TUBB6: variants seen among roughly 807,000 people sequenced by gnomAD.
TUBB6 encodes the protein tubulin beta 6 class V.
TUBB6 carries 18 observed loss-of-function variants against 32.3 expected under a neutral mutation model. The ratio of observed to expected loss-of-function variants is 0.56; its 90% confidence interval spans 0.39 to 0.83. The LOEUF is 0.83. Among genes scored for constraint, TUBB6 ranks in the 40% least tolerant of loss-of-function variants. The probability of loss-of-function intolerance (pLI) is 0.00; values close to 1 mark genes in which losing one functional copy is unlikely to be tolerated. For synonymous variants in TUBB6, 280 were observed against 265.8 expected (o/e 1.05, Z -0.52); for missense variants, 480 against 632.0 (o/e 0.76, Z 2.58).
chr18:12,313,660 C>T (rs1028121964), intron 3 of TUBB6, among the ~76,000 whole-genome samples: 1 of 152,230 alleles, frequency 6.6e-6, no homozygotes, highest in Non-Finnish European at 1.5e-5. Context: ...TATTCTCCCA[C>T]CAGATTGGCC....
At position 12,325,650 on chromosome 18, in the gene TUBB6, C is replaced by T. The variant is rs1339634436; in HGVS notation, c.861C>T (p.Pro287=). ...AGCAGTACCGGGCCCTGACCGTGCCCGAGCTCACCCAGCAGATGTTCGACG... is the reference window on the plus strand; with the variant it reads ...AGCAGTACCGGGCCCTGACCGTGCCTGAGCTCACCCAGCAGATGTTCGACG... The part of the protein sequence containing the change: ...GSQQYRALTV[P]ELTQQMFDAR... The change falls in exon 4 of 4, where the codon CCC becomes CCT. Residue 287 remains proline (P), a synonymous_variant. Coordinates refer to ENST00000317702, the MANE Select transcript of TUBB6 (RefSeq NM_032525.3). The T allele has an allele frequency of 1.1e-5, 17 of 1,613,982 alleles. No individual in the cohort carries two copies. The highest frequency in any genetic ancestry group is 8.9e-5 in the East Asian group (4 of 44,876).
At chr18:12,329,762 T>C, downstream of TUBB6, 1 of 1,614,194 alleles carries the variant, frequency 6.2e-7, no homozygotes, top group Non-Finnish European at 8.5e-7. Context: ...AATACTTCTT[T>C]TTCTAACAAC....
chr18:12,325,022 G>A (rs62095700), intron 3 of TUBB6, 45 bp from the exon 4 acceptor site: 8 of 1,530,222 alleles, frequency 5.2e-6, no homozygotes, highest in Non-Finnish European at 7.0e-6. Context: ...TGGTGATGGC[G>A]CAGCCCTTTC....
At chr18:12,321,017 T>C (rs1598808255) in intron 3 of TUBB6, among the ~76,000 whole-genome samples, 1 of 152,090 alleles carries the variant, frequency 6.6e-6, no homozygotes. Context: ...AGCAGAAAAA[T>C]AGAATCTCCT....
At chr18:12,308,656 G>C in intron 1 of TUBB6, 31 bp from the exon 2 acceptor site, 1 of 1,470,078 alleles carries the variant, frequency 6.8e-7, no homozygotes, top group South Asian at 1.1e-5. Flanking sequence ...TGGGTTCTGA[G>C]CGTCTGTCCC....
At chr18:12,311,276 A>C (rs1001821231) in intron 3 of TUBB6, 2 of 403,332 alleles carry the variant, frequency 5.0e-6, no homozygotes, top group Non-Finnish European at 4.5e-6. Flanking sequence ...TCTAAATGAA[A>C]TTCTTCTACT....
Position 12,308,720 on chromosome 18 carries a change from G to C in TUBB6, c.91G>C (p.Asp31His). The part of the protein sequence containing the change: ...WEVISDEHGI[D>H]PAGGYVGDSA... The stretch of plus-strand genomic sequence containing the variant: ...AGTGATCAGCGATGAGCACGGCATC[G>C]ACCCGGCCGGAGGCTACGTGGGAGA... The change falls in exon 2 of 4, where the codon GAC (aspartate) becomes CAC (histidine). Residue 31 changes from aspartate to histidine, a missense_variant. By Grantham distance (81) the Asp-to-His change is moderately conservative (BLOSUM62 -1). Transcript: ENST00000317702. The C allele has an allele frequency of 1.2e-6, 2 of 1,613,208 alleles. No individual in the cohort carries two copies. Among genetic ancestry groups the C allele is most frequent in the Non-Finnish European group, 1.7e-6 (2 of 1,179,388 alleles).
At chr18:12,328,699 C>T (rs978903771), downstream of TUBB6, among the ~76,000 whole-genome samples, 2 of 152,206 alleles carry the variant, frequency 1.3e-5, no homozygotes, top group African/African-American at 4.8e-5. Flanking sequence ...TCTTGAGGAC[C>T]TGCACTGGGG....
intron 3 of TUBB6, among the ~76,000 whole-genome samples, chr18:12,320,946 A>G (rs1484425565): frequency 6.6e-6 from 1 of 152,220 alleles, no homozygotes; most frequent in African/African-American, 2.4e-5. Context: ...TCCCGTGGGA[A>G]GTGGCCTTCC....
intron 3 of TUBB6, among the ~76,000 whole-genome samples, chr18:12,313,529 G>T (rs1436770155): frequency 6.6e-6 from 1 of 152,212 alleles, no homozygotes; most frequent in Non-Finnish European, 1.5e-5. Flanking sequence ...TGGAACAGAT[G>T]AATCACATTA....
chr18:12,314,544 A>G (rs1247117913), intron 3 of TUBB6, among the ~76,000 whole-genome samples: 2 of 152,118 alleles, frequency 1.3e-5, no homozygotes, highest in East Asian at 1.9e-4. Flanking sequence ...GAAAGGCCAT[A>G]CAGTGAAAAC....
At chr18:12,308,618 TG>T in intron 1 of TUBB6, 68 bp from the exon 2 acceptor site, 1 of 1,189,952 alleles carries the variant, frequency 8.4e-7, no homozygotes, top group Non-Finnish European at 1.2e-6. Flanking sequence ...GCGCCTGGGG[TG>T]GGCGCGGGTG....
At chr18:12,321,992 T>G (rs1907013981) in intron 3 of TUBB6, among the ~76,000 whole-genome samples, 1 of 152,288 alleles carries the variant, frequency 6.6e-6, no homozygotes, top group South Asian at 2.1e-4. Flanking sequence ...TCGTTTCCAA[T>G]TCTGCTTTCT....
chr18:12,325,294 G>T lies in TUBB6; in HGVS notation c.505G>T (p.Val169Phe). The T allele has an allele frequency of 6.2e-7, 1 of 1,614,236 alleles. No individual in the cohort carries two copies. The highest frequency in any genetic ancestry group is 1.1e-5 in the South Asian group (1 of 91,090). Residue 169 changes from valine (V) to phenylalanine (F), a missense_variant, in exon 4 of 4, where the codon GTC becomes TTC. Transcript: ENST00000317702. ...FPDRIMNTFS[V>F]MPSPKVSDTV... is the part of the protein sequence containing the mutation. ...GGACCGCATCATGAACACCTTCAGC[G>T]TCATGCCCTCGCCCAAGGTGTCGGA...
chr18:12,308,632 G>GGCGTCCCGGGCTCTGGGTTCTGA, intron 1 of TUBB6, 55 bp from the exon 2 acceptor site: 1 of 1,304,726 alleles, frequency 7.7e-7, no homozygotes, highest in South Asian at 1.2e-5. Flanking sequence ...CGCGGGTGGC[G>GGCGTCCCGGGCTCTGGGTTCTGA]GCGTCCCGGG....
downstream of TUBB6, among the ~76,000 whole-genome samples, chr18:12,328,672 T>A (rs557979224): frequency 2.0e-5 from 3 of 152,340 alleles, no homozygotes; most frequent in African/African-American, 7.2e-5. Flanking sequence ...GTGGCCAACA[T>A]CTGGCCATGA....
At chr18:12,322,276 C>T (rs548845569) in intron 3 of TUBB6, among the ~76,000 whole-genome samples, 4 of 151,056 alleles carry the variant, frequency 2.6e-5, no homozygotes, top group African/African-American at 9.7e-5. Context: ...TTAGCCTGGG[C>T]AACAGAGTGA....
In TUBB6 at chr18:12,326,176, C is replaced by A; in HGVS notation, c.*46C>A. 6.4e-7 allele frequency: 1 copy of A among 1,572,360 alleles called. No individual in the cohort carries two copies. Among genetic ancestry groups the A allele is most frequent in the Non-Finnish European group, 8.6e-7 (1 of 1,158,500 alleles). On this transcript the variant is annotated 3_prime_UTR_variant, in exon 4 of 4. Coordinates refer to ENST00000317702, the MANE Select transcript of TUBB6 (RefSeq NM_032525.3). ...CTCAGATCCTACAACACGCAAGTTC[C>A]TTCTTGAACCCTGGTGCCTCCTACC... is the stretch of plus-strand genomic sequence containing the variant.
rs541105422 is a variant in TUBB6, at chr18:12,309,610, G to T, written c.166+815G>T. On this transcript the variant is annotated intron_variant, in intron 2 of 3. Coordinates refer to ENST00000317702, the MANE Select transcript of TUBB6 (RefSeq NM_032525.3). ...ATGACAAAAGGCTGGGAACATCAGG[G>T]CATGGAAGATGAAATTTCTAGAGGA... Among the ~76,000 whole-genome samples, 11 of 152,232 alleles carry T rather than the reference G, an allele frequency of 7.2e-5. No homozygotes were observed. In the South Asian group the frequency reaches 1.9e-3, roughly 26 times the overall value.
Sources: gnomAD v4.1 joint callset for allele counts (sites outside exome capture counted in the v4.1 genomes callset) on GRCh38, gnomAD v4.1.1 for gene constraint, MANE v1.5 for transcripts, NCBI Gene and HGNC (gene_info 2026-07-23, HGNC 2026-07-21) for gene names.